The following FBXL17 variants were observed in gnomAD, a reference collection of about 807,000 sequenced individuals.
The protein encoded by FBXL17 is F-box and leucine rich repeat protein 17, also known as F-box/LRR-repeat protein 17.
Under a neutral mutation model 66.2 loss-of-function variants are expected in FBXL17, and 22 were observed. The observed-to-expected ratio is 0.33, with a 90% CI of 0.24 to 0.47. The LOEUF (loss-of-function observed/expected upper bound fraction) is 0.47, where lower values mean the gene tolerates loss of function less well. Ranked by LOEUF, FBXL17 falls within the 20% of genes least tolerant of loss-of-function variation. The pLI, the probability that FBXL17 is intolerant of heterozygous loss-of-function variation, is 1.00. For synonymous variants in FBXL17, 474 were observed against 400.5 expected, an observed-to-expected ratio of 1.18 and a Z score of -2.19; for missense variants, 878 against 948.2, an observed-to-expected ratio of 0.93 and a Z score of 0.97.
chr5:108,373,212 A>C (rs1397804833), intron 1 of FBXL17, among the ~76,000 whole-genome samples: 1 of 103,560 alleles, frequency 9.7e-6, no homozygotes, highest in African/African-American at 3.8e-5. Flanking sequence ...ACATATCTAA[A>C]TATATTATAT....
chr5:107,901,447 A>G (rs1220329472), intron 7 of FBXL17, among the ~76,000 whole-genome samples: 3 of 152,180 alleles, frequency 2.0e-5, no homozygotes, highest in Non-Finnish European at 4.4e-5. Context: ...TTACTTAATG[A>G]TAATGATTTC....
chr5:108,321,131 G>GT (rs11432657), intron 4 of FBXL17, among the ~76,000 whole-genome samples: 7,588 of 151,704 alleles, frequency 0.05, 634 homozygotes, highest in African/African-American at 0.17. Flanking sequence ...GCTGATGCTC[G>GT]TAAGAAATTA....
intron 8 of FBXL17, among the ~76,000 whole-genome samples, chr5:107,868,956 G>A (rs1054696105): frequency 2.0e-5 from 3 of 152,224 alleles, no homozygotes; most frequent in African/African-American, 7.2e-5. Context: ...ACAAACTCAA[G>A]TGTATACCTG....
At chr5:108,031,984 G>A (rs896528621) in intron 6 of FBXL17, among the ~76,000 whole-genome samples, 1 of 152,096 alleles carries the variant, frequency 6.6e-6, no homozygotes, top group East Asian at 1.9e-4. Context: ...CGTTTGCAAA[G>A]ACACTTTTAG....
chr5:107,965,708 T>C (rs181393262), intron 7 of FBXL17, among the ~76,000 whole-genome samples: 257 of 152,322 alleles, frequency 1.7e-3, no homozygotes, highest in African/African-American at 6.1e-3. Context: ...GGAAAAATTA[T>C]ACATGGAGGT....
intron 4 of FBXL17, among the ~76,000 whole-genome samples, chr5:108,293,515 A>G (rs1454184597): frequency 6.6e-6 from 1 of 152,146 alleles, no homozygotes; most frequent in African/African-American, 2.4e-5. Flanking sequence ...AGGGGATCAT[A>G]TACAATTTCC....
intron 3 of FBXL17, among the ~76,000 whole-genome samples, chr5:108,359,653 G>C (rs1355078309): frequency 6.6e-6 from 1 of 152,008 alleles, no homozygotes; most frequent in Non-Finnish European, 1.5e-5. Context: ...TTATGGTTAG[G>C]GAAGACACAC....
At chr5:108,057,489 T>C (rs288145) in intron 6 of FBXL17, among the ~76,000 whole-genome samples, 30,598 of 152,114 alleles carry the variant, frequency 0.2, 3,468 homozygotes, top group South Asian at 0.47. Context: ...TTATAAATTG[T>C]TAACTCCATC....
At chr5:108,247,617 T>A (rs1046378772) in intron 4 of FBXL17, among the ~76,000 whole-genome samples, 1 of 152,204 alleles carries the variant, frequency 6.6e-6, no homozygotes, top group African/African-American at 2.4e-5. Flanking sequence ...ATTTTAAATA[T>A]AAATAAGTCT....
At chr5:108,242,401 T>C (rs887203190) in intron 4 of FBXL17, among the ~76,000 whole-genome samples, 1 of 151,464 alleles carries the variant, frequency 6.6e-6, no homozygotes, top group Admixed American at 6.6e-5. Flanking sequence ...GTTGTTGTCA[T>C]TGTAGGGATG....
In FBXL17 at chr5:108,186,153, G is replaced by C; in HGVS notation, c.1709C>G (p.Ser570Cys). ...EIVKRCKNLSSLNLCLNWIIN... is the reference protein window; with the variant it reads ...EIVKRCKNLSCLNLCLNWIIN... ...GATCCAGTTCAGACAGAGATTGAGA[G>C]AGCTAAGATTTTTGCACCTCTTGAC... The change falls in exon 6 of 9, where the codon TCT (serine) becomes TGT (cysteine). Residue 570 changes from serine (S) to cysteine (C), a missense_variant. Ser to Cys is a moderately radical substitution (Grantham distance 112, BLOSUM62 -1). Transcript: ENST00000542267. The C allele has an allele frequency of 6.2e-7, 1 of 1,612,528 alleles. No individual in the cohort carries two copies. Among genetic ancestry groups the C allele is most frequent in the Non-Finnish European group, 8.5e-7 (1 of 1,178,704 alleles).
chr5:107,964,333 G>C (rs1244299054), intron 7 of FBXL17, among the ~76,000 whole-genome samples: 3 of 152,056 alleles, frequency 2.0e-5, no homozygotes, highest in African/African-American at 7.2e-5. Flanking sequence ...TATAGGCAAA[G>C]TACAATTAGA....
chr5:108,306,456 G>A (rs1281263489), intron 4 of FBXL17, among the ~76,000 whole-genome samples: 1 of 152,054 alleles, frequency 6.6e-6, no homozygotes, highest in Non-Finnish European at 1.5e-5. Context: ...CCTTGTACCT[G>A]AAATATACTA....
At chr5:108,038,147 C>A (rs570488930) in intron 6 of FBXL17, among the ~76,000 whole-genome samples, 1 of 152,004 alleles carries the variant, frequency 6.6e-6, no homozygotes, top group Non-Finnish European at 1.5e-5. Flanking sequence ...GCTATATCAA[C>A]CAAATGAAAC....
intron 7 of FBXL17, among the ~76,000 whole-genome samples, chr5:107,891,592 G>A (rs191300972): frequency 3.4e-4 from 52 of 152,174 alleles, no homozygotes; most frequent in African/African-American, 1.3e-3. Flanking sequence ...AGGACCAACA[G>A]CATATGCTCA....
At chr5:108,022,073 G>A (rs1580339742) in intron 6 of FBXL17, among the ~76,000 whole-genome samples, 2 of 151,712 alleles carry the variant, frequency 1.3e-5, no homozygotes, top group Middle Eastern at 6.8e-3. Flanking sequence ...CATTATTGAA[G>A]GTTAAATTAG....
In FBXL17 at chr5:108,093,454, A is replaced by C. The variant is rs543835448; in HGVS notation, c.1746-72453T>G. Among the ~76,000 whole-genome samples the C allele has an allele frequency of 6.6e-5, 10 of 152,296 alleles. No individual in the cohort carries two copies. In the East Asian group the frequency reaches 1.9e-3, roughly 29 times the overall value. ...ACCATAGTTGACTTCACTGATGTGGAGCATTAAAACGATTACTACTAAAGA... is the reference window on the plus strand; with the variant it reads ...ACCATAGTTGACTTCACTGATGTGGCGCATTAAAACGATTACTACTAAAGA... On this transcript the variant is annotated intron_variant, in intron 6 of 8. Coordinates refer to ENST00000542267, the MANE Select transcript of FBXL17 (RefSeq NM_001163315.3).
At chr5:108,336,577 G>GGTAATCTGTAATAAAATATATAA (rs1205629494) in intron 4 of FBXL17, among the ~76,000 whole-genome samples, 1 of 151,248 alleles carries the variant, frequency 6.6e-6, no homozygotes, top group African/African-American at 2.4e-5. Context: ...ATATATAACA[G>GGTAATCTGTAATAAAATATATAA]GTAATCTGTA....
intron 6 of FBXL17, among the ~76,000 whole-genome samples, chr5:108,055,986 C>A (rs929691233): frequency 6.6e-6 from 1 of 152,136 alleles, no homozygotes; most frequent in Non-Finnish European, 1.5e-5. Flanking sequence ...AATCACATAC[C>A]TTCCTGCCAC....
Sources: gnomAD v4.1 joint callset for allele counts (sites outside exome capture counted in the v4.1 genomes callset) on GRCh38, gnomAD v4.1.1 for gene constraint, MANE v1.5 for transcripts, NCBI Gene and HGNC (gene_info 2026-07-23, HGNC 2026-07-21) for gene names.